Variants in NAA38 observed in about 807,000 individuals in gnomAD.
NAA38 encodes LSM domain containing 1.
NAA38 carries 15 observed loss-of-function variants against 12.6 expected under a neutral mutation model. That is an observed-to-expected ratio of 1.19 (90% confidence interval 0.79 to 1.83). The LOEUF (loss-of-function observed/expected upper bound fraction) is 1.83, where lower values mean the gene tolerates loss of function less well. Ranked by LOEUF, NAA38 falls within the 40% of genes most tolerant of loss-of-function variation. The pLI is 0.00. For synonymous variants in NAA38, 88 were observed against 69.9 expected (o/e 1.26, Z -1.29); for missense variants, 183 against 171.7 (o/e 1.07, Z -0.37).
chr17:7,859,562 C>T (rs1444162076), upstream of NAA38: 4 of 1,614,046 alleles, frequency 2.5e-6, no homozygotes, highest in African/African-American at 5.3e-5. Flanking sequence ...CGGTACACTT[C>T]ACACACCTGC....
At chr17:7,879,994 GA>G (rs1645444310) in intron 2 of NAA38, among the ~76,000 whole-genome samples, 1 of 150,868 alleles carries the variant, frequency 6.6e-6, no homozygotes, top group Non-Finnish European at 1.5e-5. Flanking sequence ...AAGGGATGCA[GA>G]CAGGCAAACA....
At chr17:7,870,659 A>T (rs1240211692) in intron 2 of NAA38, among the ~76,000 whole-genome samples, 1 of 152,078 alleles carries the variant, frequency 6.6e-6, no homozygotes, top group East Asian at 1.9e-4. Context: ...AGGTGGGCAG[A>T]TCACCTGAGG....
chr17:7,864,018 CA>C (rs1193689145), intron 3 of NAA38: 1 of 152,162 alleles, frequency 6.6e-6, no homozygotes, highest in East Asian at 1.9e-4. Flanking sequence ...AGGGATCCAT[CA>C]TTTGGTCTTG....
At chr17:7,857,910 C>G (rs2078843836), upstream of NAA38, 1 of 1,416,468 alleles carries the variant, frequency 7.1e-7, no homozygotes, top group Non-Finnish European at 9.2e-7. Context: ...CTTATATGCC[C>G]CACGCGGGAC....
intron 2 of NAA38, among the ~76,000 whole-genome samples, chr17:7,882,070 G>C (rs1967282817): frequency 6.6e-6 from 1 of 152,074 alleles, no homozygotes; most frequent in Non-Finnish European, 1.5e-5. Flanking sequence ...GCAAAAGGGA[G>C]GATGGATGAG....
chr17:7,859,329 A>C, upstream of NAA38: 1 of 1,433,210 alleles, frequency 7.0e-7, no homozygotes, highest in Non-Finnish European at 9.8e-7. Flanking sequence ...CAGCGTGTGT[A>C]TATGTATACT....
upstream of NAA38, chr17:7,857,837 A>G: frequency 1.5e-6 from 2 of 1,357,512 alleles, no homozygotes; most frequent in Non-Finnish European, 1.9e-6. Flanking sequence ...ATTAAAACGG[A>G]GCGTATTCGT....
In NAA38 at chr17:7,873,759, G is replaced by A. The variant is rs146901782; in HGVS notation, c.-65-7201C>T. Among the ~76,000 whole-genome samples, 245 of 152,256 alleles carry A rather than the reference G, an allele frequency of 1.6e-3. 1 individual carries two copies. The highest frequency in any genetic ancestry group is 1.4e-3 in the Non-Finnish European group (98 of 68,020). On this transcript the variant is annotated intron_variant, in intron 2 of 4. Transcript: ENST00000576861. Reference sequence around the variant, plus strand: ...GACAAATATGGATAGAGTTAAACATGTAGTTGAGTATTGGAATTTCAAGGG... The same window carrying A: ...GACAAATATGGATAGAGTTAAACATATAGTTGAGTATTGGAATTTCAAGGG...
chr17:7,859,060 T>A, upstream of NAA38: 1 of 571,050 alleles, frequency 1.8e-6, no homozygotes, highest in Non-Finnish European at 3.1e-6. Context: ...GCAGTTCATG[T>A]ATCTTAGTGA....
At chr17:7,874,120 T>A (rs945773862) in intron 2 of NAA38, among the ~76,000 whole-genome samples, 3 of 151,916 alleles carry the variant, frequency 2.0e-5, no homozygotes, top group Admixed American at 1.3e-4. Context: ...TGATAGACCA[T>A]GGAACTTAAG....
intron 2 of NAA38, among the ~76,000 whole-genome samples, chr17:7,878,222 G>T (rs1456711572): frequency 5.9e-5 from 9 of 152,058 alleles, no homozygotes; most frequent in Non-Finnish European, 1.0e-4. Context: ...GTGATTTAAA[G>T]AAAAATAGTA....
At chr17:7,885,213 C>T, upstream of NAA38, 2 of 875,494 alleles carry the variant, frequency 2.3e-6, no homozygotes, top group Non-Finnish European at 2.7e-6. Context: ...GGGGCTCGGG[C>T]CCGTGGCCCC....
intron 2 of NAA38, among the ~76,000 whole-genome samples, chr17:7,870,888 C>CAA (rs34959751): frequency 9.0e-5 from 11 of 122,902 alleles, no homozygotes; most frequent in Admixed American, 8.2e-5. Flanking sequence ...GACTCCACCT[C>CAA]AAAAAAAAAA....
At position 7,857,475 on chromosome 17, in the gene NAA38, C is replaced by T. The variant is rs1016458562; in HGVS notation, c.-12G>A. On this transcript the variant is annotated 5_prime_UTR_variant, in exon 1 of 3. Transcript: ENST00000575771. ...CCAGCTCCGGCCATTTGCCCGGAGG[C>T]CTCCTCTGGGCCTTTCAACTTCCTA... The T allele has an allele frequency of 6.6e-7, 1 of 1,522,436 alleles. No individual in the cohort carries two copies. The highest frequency in any genetic ancestry group is 8.8e-7 in the Non-Finnish European group (1 of 1,135,262). 94.3% of individuals were successfully genotyped at this position (1,522,436 alleles called of 1,614,324 possible). A position where few individuals can be genotyped will look rare whatever the true frequency, so the allele number is the denominator to read the frequency against.
chr17:7,874,989 A>G (rs1967149955), intron 2 of NAA38, among the ~76,000 whole-genome samples: 1 of 151,656 alleles, frequency 6.6e-6, no homozygotes, highest in African/African-American at 2.4e-5. Flanking sequence ...TGAGGCCAAG[A>G]GTTTAAGACC....
Position 7,873,228 on chromosome 17 carries a change from T to C in NAA38, c.-65-6670A>G, listed in dbSNP as rs534672080. Among the ~76,000 whole-genome samples the C allele has an allele frequency of 2.4e-4, 37 of 152,210 alleles. 1 individual carries two copies. Among genetic ancestry groups the C allele is most frequent in the Admixed American group, 2.2e-3 (33 of 15,286 alleles). The stretch of plus-strand genomic sequence containing the variant: ...CTTAAGTACCATGGCTGACCACTAA[T>C]CCAGACAGCACTGCCTCTTTGAACA... On this transcript the variant is annotated intron_variant, in intron 2 of 4. Transcript: ENST00000576861.
chr17:7,876,489 C>T (rs1967177502), intron 2 of NAA38, among the ~76,000 whole-genome samples: 1 of 152,102 alleles, frequency 6.6e-6, no homozygotes, highest in Admixed American at 6.5e-5. Flanking sequence ...TACATACTAC[C>T]TACTAAATTC....
chr17:7,871,136 C>T (rs1967079007), intron 2 of NAA38, among the ~76,000 whole-genome samples: 1 of 152,172 alleles, frequency 6.6e-6, no homozygotes, highest in African/African-American at 2.4e-5. Context: ...TTGCTATTAA[C>T]AATGTCCAAT....
intron 1 of NAA38, among the ~76,000 whole-genome samples, chr17:7,884,470 ATATATATG>A (rs1161627543): frequency 7.0e-6 from 1 of 143,010 alleles, no homozygotes; most frequent in Non-Finnish European, 1.5e-5. Flanking sequence ...ATATATATAT[ATATATATG>A]TATATATATA....
Sources: gnomAD v4.1 joint callset for allele counts (sites outside exome capture counted in the v4.1 genomes callset) on GRCh38, gnomAD v4.1.1 for gene constraint, MANE v1.5 for transcripts, NCBI Gene and HGNC (gene_info 2026-07-23, HGNC 2026-07-21) for gene names.